Variants in WDR70 observed in about 807,000 individuals in gnomAD.
WDR70 encodes WD repeat-containing protein 70.
A neutral mutation model predicts 88.6 loss-of-function variants in WDR70; 53 were observed. The ratio of observed to expected loss-of-function variants is 0.60; its 90% CI spans 0.48 to 0.75. The LOEUF (loss-of-function observed/expected upper bound fraction) is 0.75. WDR70 is among the 30% of genes least tolerant of loss of function. The pLI, the probability that WDR70 is intolerant of heterozygous loss-of-function variation, is 0.00. For missense variants in WDR70, 610 were observed against 823.2 expected, an observed-to-expected ratio of 0.74 and a Z score of 3.17; for synonymous variants, 280 against 270.0, an observed-to-expected ratio of 1.04 and a Z score of -0.36.
intron 5 of WDR70, among the ~76,000 whole-genome samples, chr5:37,421,446 C>G (rs1192031195): frequency 6.6e-6 from 1 of 152,156 alleles, no homozygotes; most frequent in East Asian, 1.9e-4. Flanking sequence ...TGTGACAGAC[C>G]TATCTCTTTC....
At chr5:37,699,177 A>C (rs1747068775) in intron 11 of WDR70, among the ~76,000 whole-genome samples, 1 of 152,032 alleles carries the variant, frequency 6.6e-6, no homozygotes, top group South Asian at 2.1e-4. Flanking sequence ...GGGAGAGTGT[A>C]GCTTGAAAAT....
At chr5:37,424,922 T>C (rs1750074258) in intron 5 of WDR70, among the ~76,000 whole-genome samples, 2 of 152,188 alleles carry the variant, frequency 1.3e-5, no homozygotes, top group African/African-American at 4.8e-5. Context: ...ATCTTGCTTT[T>C]ATGGAACTTG....
rs1300383228 is a variant in WDR70, at chr5:37,493,487, A to G, written c.840+13500A>G. On this transcript the variant is annotated intron_variant, in intron 8 of 17. Transcript: ENST00000265107. ...GATCACAGTTCTACAACCACAAGGAACTTGTATTGTGCCAGCAACCAGAAT... is the reference window on the plus strand; with the variant it reads ...GATCACAGTTCTACAACCACAAGGAGCTTGTATTGTGCCAGCAACCAGAAT... Among the ~76,000 whole-genome samples the G allele has an allele frequency of 2.6e-5, 4 of 152,338 alleles. No homozygotes were observed. The East Asian group carries it at 7.7e-4, about 29-fold the overall frequency.
At chr5:37,517,602 G>T (rs1374491113) in intron 9 of WDR70, among the ~76,000 whole-genome samples, 1 of 151,800 alleles carries the variant, frequency 6.6e-6, no homozygotes, top group African/African-American at 2.4e-5. Context: ...CCTGACCTCA[G>T]GTGATCCACC....
At chr5:37,481,249 G>GT (rs1739658726) in intron 8 of WDR70, among the ~76,000 whole-genome samples, 1 of 152,166 alleles carries the variant, frequency 6.6e-6, no homozygotes, top group African/African-American at 2.4e-5. Flanking sequence ...CTGCTTGGCA[G>GT]TACCCCAGTG....
chr5:37,695,644 A>G (rs976202627), intron 10 of WDR70, among the ~76,000 whole-genome samples: 27 of 152,096 alleles, frequency 1.8e-4, no homozygotes, highest in Admixed American at 1.4e-3. Flanking sequence ...AACACTTCTC[A>G]TATCTCAAAT....
At position 37,494,498 on chromosome 5, in the gene WDR70, A is replaced by G. The variant is rs141878129; in HGVS notation, c.840+14511A>G. On this transcript the variant is annotated intron_variant, in intron 8 of 17. Transcript: ENST00000265107. ...GGTTATTTTGGAATAAAAGCACTTC[A>G]TTGTAGATTCAACAAAAGGACACTC... 7.0e-4 allele frequency among the ~76,000 whole-genome samples: 107 copies of G among 152,326 alleles called. 2 individuals are homozygous for G. The East Asian group carries it at 0.018, about 25-fold the overall frequency.
intron 5 of WDR70, among the ~76,000 whole-genome samples, chr5:37,413,540 G>T (rs1325212052): frequency 6.6e-6 from 1 of 151,856 alleles, no homozygotes; most frequent in Non-Finnish European, 1.5e-5. Flanking sequence ...GGCGAATATG[G>T]TGAATCCCTG....
chr5:37,740,969 A>G (rs1027936552), intron 17 of WDR70, among the ~76,000 whole-genome samples: 2 of 152,308 alleles, frequency 1.3e-5, no homozygotes, highest in African/African-American at 4.8e-5. Context: ...TGGACATTTT[A>G]TAGCAATTTG....
intron 7 of WDR70, among the ~76,000 whole-genome samples, chr5:37,451,791 T>G (rs2112080774): frequency 6.6e-6 from 1 of 152,158 alleles, no homozygotes; most frequent in East Asian, 1.9e-4. Context: ...GTGAAGAGAT[T>G]AAGACCATTC....
intron 8 of WDR70, among the ~76,000 whole-genome samples, chr5:37,487,068 A>G (rs1376511333): frequency 6.6e-6 from 1 of 152,248 alleles, no homozygotes; most frequent in African/African-American, 2.4e-5. Context: ...AGAATAGCAG[A>G]AATCTACATA....
intron 10 of WDR70, among the ~76,000 whole-genome samples, chr5:37,618,244 T>A (rs1440114486): frequency 6.6e-6 from 1 of 152,240 alleles, no homozygotes; most frequent in Admixed American, 6.5e-5. Context: ...AATCTTATAT[T>A]TTCATTATAT....
chr5:37,485,159 C>T lies in WDR70; in HGVS notation c.840+5172C>T, dbSNP rs552318067. Among the ~76,000 whole-genome samples, 243 of 152,240 alleles carry T rather than the reference C, an allele frequency of 1.6e-3. 1 individual carries two copies. Among genetic ancestry groups the T allele is most frequent in the Non-Finnish European group, 2.5e-3 (168 of 68,020 alleles). On this transcript the variant is annotated intron_variant, in intron 8 of 17. Transcript: ENST00000265107. ...TAATTCTGATTTTTACTCTTTTCCC[C>T]CATCTAGTGCCCTTTTGTAATACAG...
intron 9 of WDR70, among the ~76,000 whole-genome samples, chr5:37,532,998 C>T (rs1163407096): frequency 6.6e-6 from 1 of 152,176 alleles, no homozygotes; most frequent in Non-Finnish European, 1.5e-5. Flanking sequence ...AATGAGGCTC[C>T]CTGAGAGCCG....
chr5:37,440,004 T>A (rs764358451), intron 6 of WDR70, among the ~76,000 whole-genome samples: 12 of 152,158 alleles, frequency 7.9e-5, no homozygotes, highest in Non-Finnish European at 1.5e-4. Flanking sequence ...TTTCAATAAT[T>A]ATTTAATCTA....
At chr5:37,414,939 G>A (rs1469432061) in intron 5 of WDR70, among the ~76,000 whole-genome samples, 1 of 134,790 alleles carries the variant, frequency 7.4e-6, no homozygotes, top group African/African-American at 3.9e-5. Context: ...GCCTTCCGCA[G>A]TGTTTGTGTC....
chr5:37,483,297 G>A (rs1739732480), intron 8 of WDR70, among the ~76,000 whole-genome samples: 1 of 151,598 alleles, frequency 6.6e-6, no homozygotes, highest in Non-Finnish European at 1.5e-5. Context: ...AGGGAGTGGT[G>A]ATGACTCTTA....
At chr5:37,657,153 G>A (rs887915440) in intron 10 of WDR70, among the ~76,000 whole-genome samples, 1 of 152,208 alleles carries the variant, frequency 6.6e-6, no homozygotes, top group South Asian at 2.1e-4. Context: ...CTTCTGGTCT[G>A]TGTGTTGTGA....
chr5:37,464,219 G>A lies in WDR70; in HGVS notation c.687-15615G>A, dbSNP rs180840968. Among the ~76,000 whole-genome samples, 194 of 152,264 alleles carry A rather than the reference G, an allele frequency of 1.3e-3. 1 individual carries two copies. Among genetic ancestry groups the A allele is most frequent in the Non-Finnish European group, 1.5e-3 (101 of 68,024 alleles). ...AGAAAATTACACTTCCCCCAAATGG[G>A]AGTAGCATTAACAAGCATATATCCT... On this transcript the variant is annotated intron_variant, in intron 7 of 17. Coordinates refer to ENST00000265107, the MANE Select transcript of WDR70 (RefSeq NM_018034.4).
Sources: gnomAD v4.1 joint callset for allele counts (sites outside exome capture counted in the v4.1 genomes callset) on GRCh38, gnomAD v4.1.1 for gene constraint, MANE v1.5 for transcripts, NCBI Gene and HGNC (gene_info 2026-07-23, HGNC 2026-07-21) for gene names.